THEMIS: variants seen among roughly 807,000 people sequenced by gnomAD.
THEMIS encodes protein THEMIS.
A neutral mutation model predicts 52.6 loss-of-function variants in THEMIS; 37 were observed. The ratio of observed to expected loss-of-function variants is 0.70; its 90% CI spans 0.54 to 0.93. The LOEUF (loss-of-function observed/expected upper bound fraction) is 0.93. Among genes scored for constraint, THEMIS ranks in the 40% least tolerant of loss-of-function variants. The probability of loss-of-function intolerance (pLI) is 0.00; values close to 1 mark genes in which losing one functional copy is unlikely to be tolerated. For synonymous variants in THEMIS, 292 were observed against 272.7 expected (o/e 1.07, Z -0.70); for missense variants, 808 against 763.1 (o/e 1.06, Z -0.69).
At chr6:127,714,710 C>T (rs936213398) in intron 5 of THEMIS, among the ~76,000 whole-genome samples, 1 of 151,872 alleles carries the variant, frequency 6.6e-6, no homozygotes, top group Non-Finnish European at 1.5e-5. Context: ...TGTCTCATTG[C>T]AAAACTTGCA....
chr6:127,734,913 ATG>A (rs67013117), intron 4 of THEMIS, among the ~76,000 whole-genome samples: 4,572 of 105,958 alleles, frequency 0.043, 154 homozygotes, highest in Non-Finnish European at 0.054. Flanking sequence ...ATATATATAT[ATG>A]TGTGTGTGTG....
chr6:127,852,473 C>T (rs1038447668), intron 2 of THEMIS, among the ~76,000 whole-genome samples: 2 of 151,000 alleles, frequency 1.3e-5, no homozygotes, highest in African/African-American at 2.4e-5. Context: ...ATATATTAGT[C>T]CAAAAAAAAC....
At chr6:127,819,927 T>C (rs1039876859) in intron 3 of THEMIS, among the ~76,000 whole-genome samples, 1 of 152,140 alleles carries the variant, frequency 6.6e-6, no homozygotes, top group Non-Finnish European at 1.5e-5. Flanking sequence ...CAGAAAACAG[T>C]CTGTTAAAAC....
intron 1 of THEMIS, among the ~76,000 whole-genome samples, chr6:127,871,769 T>G (rs910744790): frequency 1.3e-5 from 2 of 152,112 alleles, no homozygotes; most frequent in African/African-American, 4.8e-5. Flanking sequence ...AGATAACTTG[T>G]TCAGTCCGAT....
At chr6:127,701,108 A>G in the THEMIS span, among the ~76,000 whole-genome samples, 1 of 152,230 alleles carries the variant, frequency 6.6e-6, no homozygotes, top group Non-Finnish European at 1.5e-5. Flanking sequence ...ACACAGATTA[A>G]TATATGGAAC....
intron 1 of THEMIS, among the ~76,000 whole-genome samples, chr6:127,862,672 G>C (rs1170521965): frequency 6.6e-6 from 1 of 151,540 alleles, no homozygotes; most frequent in Non-Finnish European, 1.5e-5. Flanking sequence ...CACCCACCTC[G>C]GCCTCCCAAA....
intron 4 of THEMIS, among the ~76,000 whole-genome samples, chr6:127,726,538 G>A (rs999833409): frequency 1.3e-5 from 2 of 152,066 alleles, no homozygotes; most frequent in Admixed American, 6.6e-5. Context: ...AATATGTCAA[G>A]CATTAAAGTA....
intron 4 of THEMIS, among the ~76,000 whole-genome samples, chr6:127,724,557 A>G (rs1774472414): frequency 1.3e-5 from 2 of 152,124 alleles, no homozygotes; most frequent in Admixed American, 1.3e-4. Context: ...ACTGCCATGC[A>G]TCAGTCCTCT....
intron 2 of THEMIS, among the ~76,000 whole-genome samples, chr6:127,846,973 A>T (rs2114712758): frequency 6.6e-6 from 1 of 151,932 alleles, no homozygotes; most frequent in East Asian, 1.9e-4. Context: ...GGATGCAGAG[A>T]TAGTTTAACC....
chr6:127,797,143 C>T (rs1777357248), intron 4 of THEMIS, among the ~76,000 whole-genome samples: 1 of 152,196 alleles, frequency 6.6e-6, no homozygotes, highest in South Asian at 2.1e-4. Context: ...CGTGCACTAA[C>T]CTTTCTTTTT....
intron 2 of THEMIS, 124 bp from the exon 3 acceptor site, chr6:127,830,058 G>A: frequency 1.5e-6 from 1 of 686,980 alleles, no homozygotes; most frequent in East Asian, 2.7e-5. Context: ...TCTTTTTAAA[G>A]ATTAGAGATG....
At chr6:127,750,577 A>G (rs1775606315) in intron 4 of THEMIS, among the ~76,000 whole-genome samples, 1 of 151,818 alleles carries the variant, frequency 6.6e-6, no homozygotes, top group African/African-American at 2.4e-5. Context: ...TTCCATAACA[A>G]TGGCACAAAA....
At chr6:127,908,672 T>C (rs994851994) in intron 1 of THEMIS, among the ~76,000 whole-genome samples, 1 of 152,246 alleles carries the variant, frequency 6.6e-6, no homozygotes, top group East Asian at 1.9e-4. Flanking sequence ...TTCCAGTTCT[T>C]CCCTTTAAAT....
chr6:127,806,756 G>C (rs907202849), intron 4 of THEMIS, among the ~76,000 whole-genome samples: 1 of 152,122 alleles, frequency 6.6e-6, no homozygotes, highest in Non-Finnish European at 1.5e-5. Flanking sequence ...GTCATGCCTA[G>C]AGCAAAACTA....
intron 2 of THEMIS, among the ~76,000 whole-genome samples, chr6:127,831,257 G>A (rs1365625177): frequency 1.3e-5 from 2 of 152,090 alleles, no homozygotes; most frequent in Non-Finnish European, 2.9e-5. Context: ...TACATTGTAT[G>A]TCTAAGTGGT....
At chr6:127,728,843 A>G (rs184166284) in intron 4 of THEMIS, among the ~76,000 whole-genome samples, 11 of 152,204 alleles carry the variant, frequency 7.2e-5, no homozygotes, top group Admixed American at 3.3e-4. Flanking sequence ...AAGTAGGGCA[A>G]GAAGGTTGCA....
At chr6:127,697,776 CT>C in the THEMIS span, among the ~76,000 whole-genome samples, 1 of 152,124 alleles carries the variant, frequency 6.6e-6, no homozygotes, top group Non-Finnish European at 1.5e-5. Context: ...AAGGCTTTTA[CT>C]GCATATCTGA....
chr6:127,741,416 TAGA>T (rs1188888560), intron 4 of THEMIS, among the ~76,000 whole-genome samples: 4 of 152,150 alleles, frequency 2.6e-5, no homozygotes, highest in Non-Finnish European at 4.4e-5. Flanking sequence ...CTTAGAATCA[TAGA>T]AGGAGGAAAA....
intron 1 of THEMIS, among the ~76,000 whole-genome samples, chr6:127,888,497 C>A (rs1442993278): frequency 1.3e-5 from 2 of 151,962 alleles, no homozygotes; most frequent in Non-Finnish European, 2.9e-5. Context: ...ATTTTCTTTT[C>A]TTGAAAGTTA....
Sources: allele counts gnomAD v4.1 joint callset (sites outside exome capture counted in the v4.1 genomes callset), GRCh38; gene constraint gnomAD v4.1.1; transcripts MANE v1.5; gene names NCBI Gene and HGNC (gene_info 2026-07-23, HGNC 2026-07-21).